Variants in TMEM74 observed in about 807,000 individuals in gnomAD.
TMEM74 encodes transmembrane protein 74.
A neutral mutation model predicts 18.1 loss-of-function variants in TMEM74; 13 were observed. The ratio of observed to expected loss-of-function variants is 0.72; its 90% CI spans 0.47 to 1.14. The LOEUF (loss-of-function observed/expected upper bound fraction) is 1.14, where lower values mean the gene tolerates loss of function less well. Ranked by LOEUF, TMEM74 falls within the 50% of genes most tolerant of loss-of-function variation. TMEM74 has a pLI of 0.00. For synonymous variants in TMEM74, 159 were observed against 146.6 expected, an observed-to-expected ratio of 1.08 and a Z score of -0.61; for missense variants, 372 against 375.9, an observed-to-expected ratio of 0.99 and a Z score of 0.09.
chr8:108,702,343 T>TAAAAA (rs1242874088), intron 1 of TMEM74, among the ~76,000 whole-genome samples: 6 of 94,988 alleles, frequency 6.3e-5, no homozygotes, highest in East Asian at 2.9e-4. Flanking sequence ...AGACTCCATC[T>TAAAAA]AAAAAAAAAA....
chr8:108,657,585 C>T (rs961616557), intron 1 of TMEM74, among the ~76,000 whole-genome samples: 2 of 151,540 alleles, frequency 1.3e-5, no homozygotes, highest in South Asian at 2.1e-4. Context: ...GGACCGGGCG[C>T]GGTGGCTCAC....
intron 2 of TMEM74, among the ~76,000 whole-genome samples, chr8:108,615,793 C>T (rs2130537825): frequency 6.9e-6 from 1 of 145,140 alleles, no homozygotes; most frequent in African/African-American, 2.6e-5. Flanking sequence ...TTTTATATAC[C>T]TGCAATGATT....
intron 1 of TMEM74, among the ~76,000 whole-genome samples, chr8:108,754,714 G>A (rs1813939612): frequency 6.6e-6 from 1 of 151,776 alleles, no homozygotes; most frequent in South Asian, 2.1e-4. Flanking sequence ...GATTTATTAT[G>A]AGAAATTTGC....
intron 2 of TMEM74, among the ~76,000 whole-genome samples, chr8:108,617,090 G>A (rs1050998813): frequency 1.1e-4 from 16 of 151,856 alleles, no homozygotes; most frequent in African/African-American, 3.1e-4. Context: ...CTTCCGTGAT[G>A]TCACATGTCA....
intron 2 of TMEM74, among the ~76,000 whole-genome samples, chr8:108,636,574 A>C (rs755694251): frequency 3.3e-5 from 5 of 151,988 alleles, no homozygotes; most frequent in African/African-American, 4.8e-5. Flanking sequence ...AAGATCTAAA[A>C]ACTAAGGCTG....
At chr8:108,631,527 G>T (rs1274128168) in intron 2 of TMEM74, among the ~76,000 whole-genome samples, 1 of 152,020 alleles carries the variant, frequency 6.6e-6, no homozygotes, top group African/African-American at 2.4e-5. Context: ...TTTGGTTTGA[G>T]ACTAATGGGA....
chr8:108,694,315 G>C (rs1364577223), intron 1 of TMEM74, among the ~76,000 whole-genome samples: 1 of 151,882 alleles, frequency 6.6e-6, no homozygotes, highest in South Asian at 2.1e-4. Context: ...AAGTTGAATA[G>C]TATTCAGCCA....
chr8:108,715,046 C>A (rs753983548), intron 1 of TMEM74, among the ~76,000 whole-genome samples: 1 of 152,036 alleles, frequency 6.6e-6, no homozygotes, highest in South Asian at 2.1e-4. Flanking sequence ...TGTATCTTTT[C>A]TTTTTTGTCA....
intron 1 of TMEM74, among the ~76,000 whole-genome samples, chr8:108,726,812 TAA>T (rs11291043): frequency 1.8e-4 from 27 of 149,270 alleles, no homozygotes; most frequent in African/African-American, 5.9e-4. Context: ...AATAAACAAT[TAA>T]AAAAAAAATT....
chr8:108,757,752 C>G (rs1418427855), intron 1 of TMEM74, among the ~76,000 whole-genome samples: 82 of 152,076 alleles, frequency 5.4e-4, no homozygotes, highest in Non-Finnish European at 4.4e-5. Flanking sequence ...CTAAATTTCC[C>G]TATGACTTCT....
chr8:108,623,042 C>T (rs1020203945), intron 2 of TMEM74, among the ~76,000 whole-genome samples: 62 of 152,026 alleles, frequency 4.1e-4, no homozygotes, highest in African/African-American at 1.4e-3. Flanking sequence ...TTTTATTTTG[C>T]CAACCTCTCC....
intron 1 of TMEM74, among the ~76,000 whole-genome samples, chr8:108,682,322 A>G (rs995916504): frequency 6.6e-6 from 1 of 151,984 alleles, no homozygotes; most frequent in Non-Finnish European, 1.5e-5. Context: ...CCTAACATCT[A>G]TCATCATTCT....
chr8:108,722,272 C>T (rs1813592993), intron 1 of TMEM74, among the ~76,000 whole-genome samples: 1 of 152,186 alleles, frequency 6.6e-6, no homozygotes, highest in South Asian at 2.1e-4. Flanking sequence ...AGAACACAGA[C>T]ATCTTTGCAG....
chr8:108,744,903 C>A (rs1293948527), intron 1 of TMEM74, among the ~76,000 whole-genome samples: 1 of 152,124 alleles, frequency 6.6e-6, no homozygotes, highest in Non-Finnish European at 1.5e-5. Flanking sequence ...TTGCTAACAG[C>A]TATTCATTGG....
intron 1 of TMEM74, among the ~76,000 whole-genome samples, chr8:108,661,577 T>C (rs1159602286): frequency 6.6e-6 from 1 of 152,106 alleles, no homozygotes; most frequent in Non-Finnish European, 1.5e-5. Flanking sequence ...GAGCAGCAGC[T>C]TGAACCAGGC....
At chr8:108,765,401 G>A (rs1312717632) in intron 1 of TMEM74, among the ~76,000 whole-genome samples, 1 of 100,484 alleles carries the variant, frequency 1.0e-5, no homozygotes, top group African/African-American at 3.9e-5. Flanking sequence ...TAGCAGTTTG[G>A]AACTACTTTT....
intron 1 of TMEM74, among the ~76,000 whole-genome samples, chr8:108,657,923 C>T (rs1201884014): frequency 8.5e-5 from 9 of 105,514 alleles, no homozygotes; most frequent in East Asian, 3.3e-4. Context: ...ATATATATTT[C>T]GAGAAGTCCA....
At chr8:108,633,391 T>C (rs1174016465) in intron 2 of TMEM74, among the ~76,000 whole-genome samples, 1 of 152,092 alleles carries the variant, frequency 6.6e-6, no homozygotes, top group East Asian at 1.9e-4. Context: ...GCATCACTCC[T>C]TTCTTTTTCT....
intron 1 of TMEM74, among the ~76,000 whole-genome samples, chr8:108,738,038 CT>C (rs1170120039): frequency 6.6e-6 from 1 of 152,060 alleles, no homozygotes; most frequent in East Asian, 1.9e-4. Flanking sequence ...TTTAACTGAT[CT>C]CTGTTGCTCT....
Sources: gnomAD v4.1 joint callset for allele counts (sites outside exome capture counted in the v4.1 genomes callset) on GRCh38, gnomAD v4.1.1 for gene constraint, MANE v1.5 for transcripts, NCBI Gene and HGNC (gene_info 2026-07-23, HGNC 2026-07-21) for gene names.